XXYLT1: variants seen among roughly 807,000 people sequenced by gnomAD.
XXYLT1 encodes UDP-xylose:alpha-xyloside alpha-1,3-xylosyltransferase.
In XXYLT1, 20 loss-of-function variants were observed where a neutral mutation model predicts 28.9. That is an observed-to-expected ratio of 0.69 (90% CI 0.49 to 1.00). XXYLT1 has a LOEUF of 1.00. Ranked by LOEUF, XXYLT1 falls within the 50% of genes least tolerant of loss-of-function variation. The probability of loss-of-function intolerance (pLI) is 0.00; values close to 1 mark genes in which losing one functional copy is unlikely to be tolerated. For missense variants in XXYLT1, 542 were observed against 560.1 expected (o/e 0.97, Z 0.33); for synonymous variants, 257 against 253.8 (o/e 1.01, Z -0.12).
At chr3:195,087,823 G>C (rs966903748) in intron 3 of XXYLT1, among the ~76,000 whole-genome samples, 2 of 152,030 alleles carry the variant, frequency 1.3e-5, no homozygotes, top group African/African-American at 4.8e-5. Flanking sequence ...CAGTGGGTGC[G>C]CGCACCGTGC....
intron 2 of XXYLT1, among the ~76,000 whole-genome samples, chr3:195,188,104 T>C (rs1427548847): frequency 1.3e-5 from 2 of 152,144 alleles, no homozygotes; most frequent in Admixed American, 6.5e-5. Context: ...GAGACACCAC[T>C]CCTGAACAGG....
At chr3:195,112,368 A>G (rs1316826787) in intron 3 of XXYLT1, among the ~76,000 whole-genome samples, 7 of 152,180 alleles carry the variant, frequency 4.6e-5, no homozygotes, top group African/African-American at 1.7e-4. Context: ...GGGCAGGGCC[A>G]TCGAGCCCAC....
chr3:195,251,471 T>C (rs1306257504), intron 1 of XXYLT1, among the ~76,000 whole-genome samples: 1 of 151,848 alleles, frequency 6.6e-6, no homozygotes, highest in African/African-American at 2.4e-5. Context: ...ATGAAGGGAG[T>C]GAGGCCAGGA....
Position 195,173,234 on chromosome 3 carries a change from G to A in XXYLT1, c.653-16653C>T, listed in dbSNP as rs1721497711. Among the ~76,000 whole-genome samples the A allele has an allele frequency of 6.6e-6, 1 of 152,162 alleles. No homozygotes were observed. Among genetic ancestry groups the A allele is most frequent in the Admixed American group, 6.5e-5 (1 of 15,284 alleles). ...GAACCGCATCTCCCCTGCATTTTAG[G>A]TCCCCTGGCTAACTTTTGTGAGGCT... On this transcript the variant is annotated intron_variant, in intron 2 of 3. Transcript: ENST00000310380. The surrounding 1 kb of genome is among the most constrained non-coding windows in gnomAD (Gnocchi z 4.3).
At chr3:195,127,889 T>C (rs772666057) in intron 3 of XXYLT1, among the ~76,000 whole-genome samples, 10 of 152,156 alleles carry the variant, frequency 6.6e-5, no homozygotes, top group African/African-American at 2.2e-4. Flanking sequence ...TGTGAAATGA[T>C]TATATAAATC....
intron 3 of XXYLT1, among the ~76,000 whole-genome samples, chr3:195,130,650 G>A (rs1243966292): frequency 1.3e-5 from 2 of 152,182 alleles, no homozygotes; most frequent in East Asian, 3.8e-4. Flanking sequence ...GACATGCTAT[G>A]CTAAGAAATC....
At chr3:195,163,280 T>C (rs979985552) in intron 2 of XXYLT1, among the ~76,000 whole-genome samples, 5 of 152,254 alleles carry the variant, frequency 3.3e-5, no homozygotes, top group African/African-American at 4.8e-5. Context: ...TATGGGCTCC[T>C]GTTTCTAATC....
chr3:195,141,307 C>T (rs1302718935), intron 3 of XXYLT1, among the ~76,000 whole-genome samples: 3 of 152,194 alleles, frequency 2.0e-5, no homozygotes, highest in Admixed American at 6.5e-5. Flanking sequence ...CCGGCTCTAA[C>T]AGATGATAGG....
At chr3:195,244,925 G>A (rs1274737932) in intron 1 of XXYLT1, among the ~76,000 whole-genome samples, 1 of 149,602 alleles carries the variant, frequency 6.7e-6, no homozygotes, top group African/African-American at 2.4e-5. Flanking sequence ...CAGCACTTTG[G>A]GAGGCCAAGG....
chr3:195,245,534 AG>A (rs1278649407), intron 1 of XXYLT1, among the ~76,000 whole-genome samples: 1 of 152,168 alleles, frequency 6.6e-6, no homozygotes, highest in African/African-American at 2.4e-5. Context: ...CAAGGAGGCA[AG>A]GGGTCCAGAA....
rs961584126 is a variant in XXYLT1 at position 195,168,494 on chromosome 3, C to T, written c.653-11913G>A. Among the ~76,000 whole-genome samples the T allele has an allele frequency of 6.6e-6, 1 of 150,976 alleles. No individual in the cohort carries two copies. Among genetic ancestry groups the T allele is most frequent in the Non-Finnish European group, 1.5e-5 (1 of 68,030 alleles). On this transcript the variant is annotated intron_variant, in intron 2 of 3. Transcript: ENST00000310380. This position sits in a 1 kb window ranked among gnomAD's most constrained non-coding sequence, Gnocchi z 4.3. ...TTTTTTCACTAAATATCCTCTGCTG[C>T]CACTGCTGCAGCTGCTTCCATCCTA...
In XXYLT1 at chr3:195,099,654, C is replaced by A. The variant is rs568478754; in HGVS notation, c.786-29543G>T. On this transcript the variant is annotated intron_variant, in intron 3 of 3. Coordinates refer to ENST00000310380, the MANE Select transcript of XXYLT1 (RefSeq NM_152531.5). ...GACCATCCTGGTTAACACGTTGAAA[C>A]CCCGTCTCTACTAAAAATACAAAAA... Among the ~76,000 whole-genome samples, 6 of 151,984 alleles carry A rather than the reference C, an allele frequency of 3.9e-5. No homozygotes were observed. The East Asian group carries it at 1.2e-3, about 29-fold the overall frequency.
chr3:195,162,383 G>C (rs914927440), intron 2 of XXYLT1, among the ~76,000 whole-genome samples: 3 of 152,158 alleles, frequency 2.0e-5, no homozygotes, highest in African/African-American at 7.2e-5. Flanking sequence ...CGGATGGTCG[G>C]GGGGAGAAAG....
intron 2 of XXYLT1, among the ~76,000 whole-genome samples, chr3:195,207,925 T>C (rs1444807165): frequency 1.3e-5 from 2 of 152,086 alleles, no homozygotes; most frequent in Non-Finnish European, 2.9e-5. Context: ...GCAGCTCATA[T>C]CATGGCAGCT....
intron 1 of XXYLT1, among the ~76,000 whole-genome samples, chr3:195,269,674 A>C (rs922963748): frequency 6.6e-6 from 1 of 152,212 alleles, no homozygotes; most frequent in African/African-American, 2.4e-5. Context: ...CTCCTGTCTC[A>C]GCATGCTTCC....
intron 2 of XXYLT1, among the ~76,000 whole-genome samples, chr3:195,207,251 C>T (rs1395668866): frequency 6.6e-6 from 1 of 152,222 alleles, no homozygotes; most frequent in Non-Finnish European, 1.5e-5. Context: ...GCCCCACACA[C>T]AGTTGGTGGC....
chr3:195,093,122 C>T lies in XXYLT1; in HGVS notation c.786-23011G>A, dbSNP rs1331277460. Among the ~76,000 whole-genome samples the T allele has an allele frequency of 1.1e-3, 85 of 77,220 alleles. 2 individuals carry two copies. The highest frequency in any genetic ancestry group is 0.011 in the South Asian group (17 of 1,580). The allele number at this position is 77,220 out of a possible 152,430, so 50.7% of individuals were successfully genotyped here. On this transcript the variant is annotated intron_variant, in intron 3 of 3. Transcript: ENST00000310380. ...TCAACCATTGTGGAAGTCAGTGTGGCGATTCCTCAGGGATCTAGAACTGGA... is the reference window on the plus strand; with the variant it reads ...TCAACCATTGTGGAAGTCAGTGTGGTGATTCCTCAGGGATCTAGAACTGGA...
intron 2 of XXYLT1, among the ~76,000 whole-genome samples, chr3:195,170,697 G>C (rs1321096805): frequency 6.6e-6 from 1 of 152,144 alleles, no homozygotes; most frequent in African/African-American, 2.4e-5. Flanking sequence ...CAAGCCTCCA[G>C]AGACTGAGCC....
At chr3:195,258,552 T>A (rs1486203312) in intron 1 of XXYLT1, among the ~76,000 whole-genome samples, 3 of 152,178 alleles carry the variant, frequency 2.0e-5, no homozygotes, top group African/African-American at 7.2e-5. Flanking sequence ...GACTCTGTCA[T>A]CTACACAAGA....
Sources: gnomAD v4.1 joint callset for allele counts (sites outside exome capture counted in the v4.1 genomes callset) on GRCh38, gnomAD v4.1.1 for gene constraint, Gnocchi (gnomAD v3.1) non-coding constraint, MANE v1.5 for transcripts, NCBI Gene and HGNC (gene_info 2026-07-23, HGNC 2026-07-21) for gene names.